Variants in ADCY7 observed in about 807,000 individuals in gnomAD.
ADCY7 encodes the protein adenylate cyclase 7, also known as adenylate cyclase type 7.
ADCY7 carries 72 observed loss-of-function variants against 120.6 expected under a neutral mutation model. The ratio of observed to expected loss-of-function variants is 0.60; its 90% CI spans 0.49 to 0.73. ADCY7 has a LOEUF of 0.73. Ranked by LOEUF, ADCY7 falls within the 30% of genes least tolerant of loss-of-function variation. The pLI is 0.00. For missense variants in ADCY7, 1,227 were observed against 1,486.0 expected (o/e 0.83, Z 2.87); for synonymous variants, 661 against 628.0 (o/e 1.05, Z -0.78).
At chr16:50,311,867 T>C (rs2302679) in intron 20 of ADCY7, 81 bp downstream of exon 20, 863,680 of 1,282,390 alleles carry the variant, frequency 0.67, 279,817 homozygotes, top group Admixed American at 0.8. Context: ...TGGGGTGGGG[T>C]GGGCTCAGGT....
intron 1 of ADCY7, among the ~76,000 whole-genome samples, chr16:50,285,095 G>C (rs1457310300): frequency 6.6e-6 from 1 of 152,234 alleles, no homozygotes; most frequent in African/African-American, 2.4e-5. Context: ...AGATTTAGAG[G>C]TTGTAAACTA....
chr16:50,315,226 C>G, intron 25 of ADCY7, 88 bp downstream of exon 25: 2 of 1,573,434 alleles, frequency 1.3e-6, no homozygotes, highest in East Asian at 2.2e-5. Flanking sequence ...TGCTGTCTCA[C>G]CCAGCAGCCA....
At chr16:50,291,642 C>A in intron 3 of ADCY7, 94 bp from the exon 4 acceptor site, 2 of 1,465,854 alleles carry the variant, frequency 1.4e-6, no homozygotes, top group Non-Finnish European at 1.9e-6. Context: ...CCTAAGGATA[C>A]GCACTGGGTG....
chr16:50,298,241 C>CTCCTGCAGCCTCTGTCCTCACCCCCT (rs2035486235), intron 7 of ADCY7, among the ~76,000 whole-genome samples: 1 of 151,896 alleles, frequency 6.6e-6, no homozygotes, highest in Non-Finnish European at 1.5e-5. Context: ...CCTCACCCCC[C>CTCCTGCAGCCTCTGTCCTCACCCCCT]ACTCCTGCAG....
intron 1 of ADCY7, among the ~76,000 whole-genome samples, chr16:50,280,433 G>C (rs1311481650): frequency 1.4e-5 from 2 of 146,692 alleles, no homozygotes; most frequent in East Asian, 3.9e-4. Flanking sequence ...TTTGTGTCTT[G>C]ATTTTCTTCA....
rs529524378 is a variant in ADCY7, at chr16:50,312,950, A to C, written c.2665A>C (p.Lys889Gln). 6.2e-7 allele frequency: 1 copy of C among 1,614,228 alleles called. No homozygotes were observed. The highest frequency in any genetic ancestry group is 1.1e-5 in the South Asian group (1 of 91,088). Residue 889 changes from lysine (K) to glutamine (Q), a missense_variant, in exon 22 of 26, where the codon AAA becomes CAA. Around this residue, in one of 5 missense-constraint regions of ADCY7, gnomAD observed 244 missense variants for 332.8 expected, o/e 0.73. Coordinates refer to ENST00000673801, the MANE Select transcript of ADCY7 (RefSeq NM_001114.5). ...CATGTTTGCCTCCGTGCCGGACTTC[A>C]AAGTGTTCTACACAGAGTGCGATGT... ...CVMFASVPDF[K>Q]VFYTECDVNK...
rs1451083840 is a variant in ADCY7, at chr16:50,310,714, TTCA to T, written c.2191_2193del (p.Ile731del). 1 of 1,614,082 alleles carries T rather than the reference TTCA, an allele frequency of 6.2e-7. No homozygotes were observed. ...CTACACCTGCAGCTGTGTCCTGGGCTTCATCGCCTGCTCGGTCTTCCTGAGGAT... is the reference window on the plus strand; with the variant it reads ...CTACACCTGCAGCTGTGTCCTGGGCTTCGCCTGCTCGGTCTTCCTGAGGAT... On this transcript the variant is annotated inframe_deletion, in exon 19 of 26. Transcript: ENST00000673801.
rs1033772627 is a variant in ADCY7, at chr16:50,297,673, G to A, written c.949-1231G>A. Among the ~76,000 whole-genome samples the A allele has an allele frequency of 1.9e-4, 29 of 152,220 alleles. No homozygotes were observed. Among genetic ancestry groups the A allele is most frequent in the African/African-American group, 5.5e-4 (23 of 41,466 alleles). The stretch of plus-strand genomic sequence containing the variant: ...GGAGGCAGGGCTGGTGCTGTGTCTG[G>A]GGCCTGGGTCTGTGATGGCTGATGG... On this transcript the variant is annotated intron_variant, in intron 7 of 25. Transcript: ENST00000673801. The surrounding 1 kb of genome is among the most constrained non-coding windows in gnomAD (Gnocchi z 4.4).
At chr16:50,301,281 G>A in intron 10 of ADCY7, 67 bp downstream of exon 10, 1 of 1,510,574 alleles carries the variant, frequency 6.6e-7, no homozygotes, top group Non-Finnish European at 8.9e-7. Flanking sequence ...GGAGAGCCTG[G>A]CCCGCACCTT....
intron 18 of ADCY7, 58 bp downstream of exon 18, chr16:50,309,704 A>C: frequency 6.7e-7 from 1 of 1,488,692 alleles, no homozygotes; most frequent in South Asian, 1.2e-5. Flanking sequence ...CTGCTGCCAG[A>C]GGTGTAGTTT....
Position 50,311,798 on chromosome 16 carries a change from GGCCC to G in ADCY7, c.2448+13_2448+16del, listed in dbSNP as rs1232821157. ...CACTCTCCAGACAGGTAAGGAGGCT[GGCCC>G]CCCCCCCCCCCCCAAGCTCTGCCCA... is the stretch of plus-strand genomic sequence containing the variant. On this transcript the variant is annotated intron_variant, in intron 20 of 25. Coordinates refer to ENST00000673801, the MANE Select transcript of ADCY7 (RefSeq NM_001114.5). The G allele has an allele frequency of 3.0e-5, 40 of 1,331,824 alleles. No homozygotes were observed. The highest frequency in any genetic ancestry group is 6.6e-5 in the South Asian group (5 of 75,330). 82.5% of individuals were successfully genotyped at this position (1,331,824 alleles called of 1,614,324 possible).
At chr16:50,309,484 G>T in intron 17 of ADCY7, 64 bp from the exon 18 acceptor site, 1 of 1,401,590 alleles carries the variant, frequency 7.1e-7, no homozygotes, top group Non-Finnish European at 1.0e-6. Context: ...GGCCCACCTT[G>T]CATGGCTTGG....
chr16:50,307,826 T>C (rs1201804444), intron 15 of ADCY7, among the ~76,000 whole-genome samples: 2 of 152,040 alleles, frequency 1.3e-5, no homozygotes, highest in Admixed American at 1.3e-4. Context: ...TGAAACCCCG[T>C]CTCTACCAAA....
At chr16:50,263,488 G>T (rs952107550), upstream of ADCY7, among the ~76,000 whole-genome samples, 1 of 152,122 alleles carries the variant, frequency 6.6e-6, no homozygotes, top group African/African-American at 2.4e-5. Context: ...ATTATCAAAC[G>T]GCAGGGTTTA....
At chr16:50,251,006 A>G (rs2032741530) in intron 1 of ADCY7, among the ~76,000 whole-genome samples, 1 of 152,142 alleles carries the variant, frequency 6.6e-6, no homozygotes, top group Non-Finnish European at 1.5e-5. Flanking sequence ...AGGCCAAGGT[A>G]GGAGGAACGC....
intron 1 of ADCY7, among the ~76,000 whole-genome samples, chr16:50,278,584 T>C (rs372501433): frequency 6.6e-6 from 1 of 152,252 alleles, no homozygotes; most frequent in Non-Finnish European, 1.5e-5. Flanking sequence ...ACTGAACTTA[T>C]CAGTCTCTTC....
chr16:50,284,645 C>T (rs2034471164), intron 1 of ADCY7, among the ~76,000 whole-genome samples: 1 of 152,246 alleles, frequency 6.6e-6, no homozygotes, highest in African/African-American at 2.4e-5. Context: ...GGCCAGGGGT[C>T]AGGTGGGTTT....
rs138958361 is a variant in ADCY7 at position 50,307,110 on chromosome 16, G to A, written c.1813G>A (p.Val605Ile). The change falls in exon 15 of 26, where the codon GTC (valine) becomes ATC (isoleucine). Residue 605 changes from valine to isoleucine, a missense_variant. Val to Ile is a conservative substitution (Grantham distance 29). This residue lies in a region of ADCY7 where 332 missense variants were observed against 455.8 expected (regional missense o/e 0.73). Transcript: ENST00000673801. ...HDFACASLIF[V>I]CILLVHVLLM... ...CTTTGCCTGCGCCAGCCTGATCTTC[G>A]TCTGCATCCTGCTCGTCCATGTCCT... 7.4e-5 allele frequency: 120 copies of A among 1,612,114 alleles called. No homozygotes were observed. The Admixed American group carries it at 7.5e-4, about 10-fold the overall frequency.
chr16:50,297,385 C>G lies in ADCY7; in HGVS notation c.949-1519C>G, dbSNP rs1256016261. The stretch of plus-strand genomic sequence containing the variant: ...GGGGAATGTGGCCTCTCCTACATCC[C>G]CGAGAGCTGGGCTGGGTCCATGGGC... On this transcript the variant is annotated intron_variant, in intron 7 of 25. Coordinates refer to ENST00000673801, the MANE Select transcript of ADCY7 (RefSeq NM_001114.5). The surrounding 1 kb of genome is among the most constrained non-coding windows in gnomAD (Gnocchi z 4.4). 6.6e-6 allele frequency among the ~76,000 whole-genome samples: 1 copy of G among 152,202 alleles called. No individual in the cohort carries two copies. Among genetic ancestry groups the G allele is most frequent in the Non-Finnish European group, 1.5e-5 (1 of 68,030 alleles).
Sources: gnomAD v4.1 joint callset for allele counts (sites outside exome capture counted in the v4.1 genomes callset) on GRCh38, gnomAD v4.1.1 for gene constraint, gnomAD v4.1.1 regional missense constraint, Gnocchi (gnomAD v3.1) non-coding constraint, MANE v1.5 for transcripts, NCBI Gene and HGNC (gene_info 2026-07-23, HGNC 2026-07-21) for gene names.